FAM177B: variants seen among roughly 807,000 people sequenced by gnomAD.
The protein encoded by FAM177B is family with sequence similarity 177 member B, also known as protein FAM177B.
In FAM177B, 16 loss-of-function variants were observed where a neutral mutation model predicts 16.1. The ratio of observed to expected loss-of-function variants is 0.99; its 90% CI spans 0.67 to 1.51. The LOEUF (loss-of-function observed/expected upper bound fraction) is 1.51. Ranked by LOEUF, FAM177B falls within the 40% of genes most tolerant of loss-of-function variation. FAM177B has a pLI of 0.00. For missense variants in FAM177B, 178 were observed against 183.7 expected, an observed-to-expected ratio of 0.97 and a Z score of 0.18; for synonymous variants, 56 against 59.9, an observed-to-expected ratio of 0.93 and a Z score of 0.30.
At chr1:222,740,809 C>T (rs141316695) in intron 2 of FAM177B, among the ~76,000 whole-genome samples, 4,849 of 152,140 alleles carry the variant, frequency 0.032, 259 homozygotes, top group African/African-American at 0.11. Flanking sequence ...ATGCCATTCT[C>T]CCGCCTCAGC....
intron 2 of FAM177B, among the ~76,000 whole-genome samples, chr1:222,741,342 G>T (rs1658523850): frequency 6.6e-6 from 1 of 151,942 alleles, no homozygotes; most frequent in South Asian, 2.1e-4. Flanking sequence ...GGGATTATAG[G>T]CATGAGCCAC....
chr1:222,747,064 C>G lies in FAM177B; in HGVS notation c.224C>G (p.Ala75Gly). 1 of 1,610,720 alleles carries G rather than the reference C, an allele frequency of 6.2e-7. No individual in the cohort carries two copies. The highest frequency in any genetic ancestry group is 8.5e-7 in the Non-Finnish European group (1 of 1,176,934). ...CTACGATTTTGGGCAGGACGAATAG[C>G]AAGCACCTCATTTTCTAGTAAGTAC... is the stretch of plus-strand genomic sequence containing the variant. ...PYLRFWAGRI[A>G]STSFSTCEFL... The change falls in exon 4 of 6, where the codon GCA (alanine) becomes GGA (glycine). Residue 75 changes from alanine (A) to glycine (G), a missense_variant. Coordinates refer to ENST00000445590, the MANE Select transcript of FAM177B (RefSeq NM_001394345.1).
intron 1 of FAM177B, among the ~76,000 whole-genome samples, chr1:222,737,571 A>ATGTC (rs1658337291): frequency 6.6e-6 from 1 of 152,134 alleles, no homozygotes; most frequent in African/African-American, 2.4e-5. Context: ...GGTTAGAGTG[A>ATGTC]TGTCAGTGGT....
rs558432193 is a variant in FAM177B, at chr1:222,749,732, C to A, written c.339+170C>A. ...TTCTAGTTCTGTTCACCCAGGGACA[C>A]TTCTTCACATTTGCCTCACTCCTGC... On this transcript the variant is annotated intron_variant, in intron 5 of 5. Coordinates refer to ENST00000445590, the MANE Select transcript of FAM177B (RefSeq NM_001394345.1). Among the ~76,000 whole-genome samples the A allele has an allele frequency of 3.3e-5, 5 of 152,322 alleles. No homozygotes were observed. The East Asian group carries it at 7.7e-4, about 24-fold the overall frequency.
At chr1:222,744,868 C>T (rs1658722039) in intron 2 of FAM177B, among the ~76,000 whole-genome samples, 2 of 152,172 alleles carry the variant, frequency 1.3e-5, no homozygotes, top group African/African-American at 4.8e-5. Context: ...GTCAAGTAAC[C>T]GACATTATGA....
chr1:222,741,243 T>C (rs1209072176), intron 2 of FAM177B, among the ~76,000 whole-genome samples: 2 of 151,704 alleles, frequency 1.3e-5, no homozygotes, highest in Non-Finnish European at 2.9e-5. Flanking sequence ...GTATTTTTTT[T>C]AGTATAGACG....
rs1469963686 is a variant in FAM177B at position 222,747,152 on chromosome 1, G to A, written c.241+71G>A. The A allele has an allele frequency of 3.8e-6, 4 of 1,044,624 alleles. No homozygotes were observed. The African/African-American group carries it at 4.7e-5, about 12-fold the overall frequency. 64.7% of individuals were successfully genotyped at this position (1,044,624 alleles called of 1,614,324 possible). A position where few individuals can be genotyped will look rare whatever the true frequency, so the allele number is the denominator to read the frequency against. The stretch of plus-strand genomic sequence containing the variant: ...ATATCGATAGGCCCTCAGAGTATGT[G>A]GGACTTCCAATTGTGTAAGCCACTC... On this transcript the variant is annotated intron_variant, in intron 4 of 5. Transcript: ENST00000445590.
chr1:222,741,219 C>T (rs750972299), intron 2 of FAM177B, among the ~76,000 whole-genome samples: 4 of 151,524 alleles, frequency 2.6e-5, no homozygotes, highest in Admixed American at 1.3e-4. Flanking sequence ...CCACCAAGTC[C>T]GGCTAATTTT....
chr1:222,750,428 C>T lies in FAM177B; in HGVS notation c.*370C>T. On this transcript the variant is annotated 3_prime_UTR_variant, in exon 6 of 6. Coordinates refer to ENST00000445590, the MANE Select transcript of FAM177B (RefSeq NM_001394345.1). ...AATCCTCTGTCATGGGACGAGGGTA[C>T]AGTAAAGAAGCTCTATTCCTCAGAA... 1 of 1,012,154 alleles carries T rather than the reference C, an allele frequency of 9.9e-7. No individual in the cohort carries two copies. The highest frequency in any genetic ancestry group is 1.2e-6 in the Non-Finnish European group (1 of 848,384). 62.7% of individuals were successfully genotyped at this position (1,012,154 alleles called of 1,614,324 possible).
chr1:222,747,900 C>T (rs953078870), intron 4 of FAM177B, among the ~76,000 whole-genome samples: 4 of 152,098 alleles, frequency 2.6e-5, no homozygotes, highest in African/African-American at 9.7e-5. Flanking sequence ...CAAACATGCT[C>T]GTAATTATAA....
chr1:222,748,944 GA>G, intron 4 of FAM177B: 1 of 460,006 alleles, frequency 2.2e-6, no homozygotes, highest in Non-Finnish European at 4.5e-6. Flanking sequence ...CTTTATCCCT[GA>G]CTCTAACAAT....
At chr1:222,749,371 A>C in intron 4 of FAM177B, 94 bp from the exon 5 acceptor site, 1 of 689,568 alleles carries the variant, frequency 1.5e-6, no homozygotes, top group South Asian at 1.9e-5. Context: ...CACTATTACT[A>C]TACTATCAGA....
chr1:222,746,808 T>A, intron 3 of FAM177B, 89 bp downstream of exon 3: 1 of 1,191,658 alleles, frequency 8.4e-7, no homozygotes, highest in Non-Finnish European at 1.2e-6. Context: ...ATAGAAAGAA[T>A]AGCTTTAAGC....
intron 4 of FAM177B, 118 bp from the exon 5 acceptor site, chr1:222,749,347 G>A: frequency 5.0e-6 from 3 of 600,682 alleles, no homozygotes; most frequent in Non-Finnish European, 8.8e-6. Flanking sequence ...TTGAAGTTAA[G>A]TATAGTAATA....
In FAM177B at chr1:222,749,607, T is replaced by C. The variant is rs755572856; in HGVS notation, c.339+45T>C. ...AAACAAGGGGCCTGAGATGGGAATA[T>C]TGGTTGCTCCAAATTTAGGCCAGTA... On this transcript the variant is annotated intron_variant, in intron 5 of 5. Transcript: ENST00000445590. 6.7e-6 allele frequency: 8 copies of C among 1,186,498 alleles called. No homozygotes were observed. In the South Asian group the frequency reaches 8.0e-5, roughly 12 times the overall value. 73.5% of individuals were successfully genotyped at this position (1,186,498 alleles called of 1,614,324 possible).
chr1:222,739,275 A>G (rs1223469955), intron 2 of FAM177B, among the ~76,000 whole-genome samples: 1 of 152,232 alleles, frequency 6.6e-6, no homozygotes, highest in Non-Finnish European at 1.5e-5. Flanking sequence ...GTAGAAAGCA[A>G]GAAAGCCTCT....
intron 2 of FAM177B, among the ~76,000 whole-genome samples, chr1:222,744,204 C>T (rs1329471672): frequency 1.3e-5 from 2 of 152,204 alleles, no homozygotes; most frequent in African/African-American, 4.8e-5. Context: ...GGCATGGTGG[C>T]TCACGCCTGT....
chr1:222,741,924 C>CTT (rs1361943342), intron 2 of FAM177B, among the ~76,000 whole-genome samples: 2 of 104,340 alleles, frequency 1.9e-5, no homozygotes, highest in East Asian at 3.2e-4. Context: ...CTCTCTCTCT[C>CTT]TCTCTCTTTC....
chr1:222,741,829 TC>T (rs1480414344), intron 2 of FAM177B, among the ~76,000 whole-genome samples: 52 of 150,132 alleles, frequency 3.5e-4, no homozygotes, highest in South Asian at 3.4e-3. Context: ...CTTTCTTTTT[TC>T]TTTCTTTCTT....
Sources: gnomAD v4.1 joint callset for allele counts (sites outside exome capture counted in the v4.1 genomes callset) on GRCh38, gnomAD v4.1.1 for gene constraint, MANE v1.5 for transcripts, NCBI Gene and HGNC (gene_info 2026-07-23, HGNC 2026-07-21) for gene names.